GPC5: variants seen among roughly 807,000 people sequenced by gnomAD.
GPC5 encodes glypican 5.
GPC5 carries 47 observed loss-of-function variants against 53.9 expected under a neutral mutation model. That is an observed-to-expected ratio of 0.87 (90% CI 0.69 to 1.11). GPC5 has a LOEUF of 1.11. GPC5 is among the 50% of genes most tolerant of loss of function. GPC5 has a pLI of 0.00. For missense variants in GPC5, 748 were observed against 713.1 expected (o/e 1.05, Z -0.56); for synonymous variants, 286 against 263.3 (o/e 1.09, Z -0.84).
intron 6 of GPC5, among the ~76,000 whole-genome samples, chr13:92,124,968 A>G (rs1436877512): frequency 1.3e-5 from 2 of 152,172 alleles, no homozygotes; most frequent in Non-Finnish European, 2.9e-5. Context: ...ACAGAATTCA[A>G]CAAAAGTAAT....
chr13:92,568,835 C>G (rs1249596346), intron 7 of GPC5, among the ~76,000 whole-genome samples: 1 of 152,128 alleles, frequency 6.6e-6, no homozygotes, highest in Non-Finnish European at 1.5e-5. Context: ...CAGCAGCAAG[C>G]AAGTGGTGGA....
At chr13:92,070,011 T>TCC (rs1187069359) in intron 6 of GPC5, among the ~76,000 whole-genome samples, 2 of 152,156 alleles carry the variant, frequency 1.3e-5, no homozygotes, top group Non-Finnish European at 2.9e-5. Flanking sequence ...ATGAGCCCAA[T>TCC]CTAATCACTA....
At chr13:92,383,550 A>G (rs1018891220) in intron 7 of GPC5, among the ~76,000 whole-genome samples, 3 of 152,328 alleles carry the variant, frequency 2.0e-5, no homozygotes, top group Admixed American at 6.5e-5. Context: ...ACACGGGTAT[A>G]TGGACTCTTC....
rs568251062 is a variant in GPC5, at chr13:92,256,603, A to G, written c.1561+111614A>G. Among the ~76,000 whole-genome samples the G allele has an allele frequency of 3.4e-4, 51 of 152,194 alleles. 1 individual carries two copies. The South Asian group carries it at 0.01, about 30-fold the overall frequency. ...TTTCACACTGCACTTCCAAAATATA[A>G]CATGCATCTAACATTAACATATTGG... On this transcript the variant is annotated intron_variant, in intron 7 of 7. Transcript: ENST00000377067.
At chr13:91,593,618 A>G (rs2139178459) in intron 2 of GPC5, among the ~76,000 whole-genome samples, 1 of 152,214 alleles carries the variant, frequency 6.6e-6, no homozygotes, top group East Asian at 1.9e-4. Context: ...CTGCCTCATA[A>G]CCTTTACCAC....
intron 1 of GPC5, among the ~76,000 whole-genome samples, chr13:91,418,342 C>T (rs1355238479): frequency 6.6e-6 from 1 of 152,088 alleles, no homozygotes; most frequent in African/African-American, 2.4e-5. Context: ...AATGAATAAA[C>T]GTCTCTTGGA....
At chr13:92,275,446 A>G (rs1223018253) in intron 7 of GPC5, among the ~76,000 whole-genome samples, 1 of 152,178 alleles carries the variant, frequency 6.6e-6, no homozygotes, top group East Asian at 1.9e-4. Flanking sequence ...GTTGAATTTT[A>G]TAACAGGACA....
chr13:92,466,061 C>T (rs1878678748), intron 7 of GPC5, among the ~76,000 whole-genome samples: 1 of 151,846 alleles, frequency 6.6e-6, no homozygotes, highest in South Asian at 2.1e-4. Context: ...AATGTTCTCA[C>T]CACAAAGGAA....
chr13:92,269,375 T>C (rs536234383), intron 7 of GPC5, among the ~76,000 whole-genome samples: 1 of 151,766 alleles, frequency 6.6e-6, no homozygotes, highest in Non-Finnish European at 1.5e-5. Flanking sequence ...ATAGTAGCTT[T>C]ATTTTTTTAG....
intron 2 of GPC5, among the ~76,000 whole-genome samples, chr13:91,475,601 T>C (rs1882880732): frequency 6.6e-6 from 1 of 152,206 alleles, no homozygotes; most frequent in Non-Finnish European, 1.5e-5. Flanking sequence ...CTCTGACCTC[T>C]GAGTCCAAGC....
chr13:92,560,555 A>G (rs1882660264), intron 7 of GPC5, among the ~76,000 whole-genome samples: 1 of 152,028 alleles, frequency 6.6e-6, no homozygotes, highest in Non-Finnish European at 1.5e-5. Flanking sequence ...GGTAAATGGA[A>G]CAAGTCTAGA....
At chr13:92,790,634 G>T (rs71427600) in intron 7 of GPC5, among the ~76,000 whole-genome samples, 2 of 152,058 alleles carry the variant, frequency 1.3e-5, no homozygotes, top group African/African-American at 4.8e-5. Context: ...AAAGGAGATG[G>T]AATACTTTTC....
rs7989691 is a variant in GPC5 at position 92,770,231 on chromosome 13, T to C, written c.1562-96051T>C. 9.9e-3 allele frequency among the ~76,000 whole-genome samples: 1,499 copies of C among 152,142 alleles called. 27 individuals are homozygous for C. Among genetic ancestry groups the C allele is most frequent in the African/African-American group, 0.035 (1,447 of 41,510 alleles). ...GAGTTCAAGACCAGCCTGGGCAATA[T>C]AGGCAGTCCCTATCTCTAAAAGATA... On this transcript the variant is annotated intron_variant, in intron 7 of 7. Coordinates refer to ENST00000377067, the MANE Select transcript of GPC5 (RefSeq NM_004466.6).
At chr13:92,164,927 C>T (rs1436414958) in intron 7 of GPC5, among the ~76,000 whole-genome samples, 1 of 152,266 alleles carries the variant, frequency 6.6e-6, no homozygotes, top group East Asian at 1.9e-4. Context: ...TTGGGGTTCG[C>T]ACCCTCTGAA....
At chr13:91,478,605 G>A (rs889836565) in intron 2 of GPC5, among the ~76,000 whole-genome samples, 33 of 150,860 alleles carry the variant, frequency 2.2e-4, no homozygotes, top group Admixed American at 1.7e-3. Flanking sequence ...TTTTCATACA[G>A]ATATATTTTT....
intron 2 of GPC5, among the ~76,000 whole-genome samples, chr13:91,606,214 A>C (rs1353314448): frequency 6.6e-6 from 1 of 151,190 alleles, no homozygotes; most frequent in Middle Eastern, 3.2e-3. Flanking sequence ...TGAGATAATC[A>C]TGTGGTTTTT....
At chr13:92,067,299 C>G (rs745341018) in intron 6 of GPC5, among the ~76,000 whole-genome samples, 1 of 151,968 alleles carries the variant, frequency 6.6e-6, no homozygotes, top group East Asian at 1.9e-4. Context: ...TTAATGAGAA[C>G]AGAAGGCAGT....
intron 6 of GPC5, among the ~76,000 whole-genome samples, chr13:91,952,613 C>T (rs2040037671): frequency 6.6e-6 from 1 of 151,954 alleles, no homozygotes; most frequent in Non-Finnish European, 1.5e-5. Context: ...TAAGGATCCC[C>T]CAATGAGAGT....
chr13:91,503,501 G>A (rs540929689), intron 2 of GPC5, among the ~76,000 whole-genome samples: 1 of 151,976 alleles, frequency 6.6e-6, no homozygotes, highest in East Asian at 1.9e-4. Flanking sequence ...ATTAGGCTGG[G>A]CCGGGTGCAG....
Sources: gnomAD v4.1 joint callset for allele counts (sites outside exome capture counted in the v4.1 genomes callset) on GRCh38, gnomAD v4.1.1 for gene constraint, MANE v1.5 for transcripts, NCBI Gene and HGNC (gene_info 2026-07-23, HGNC 2026-07-21) for gene names.